CARM1: variants seen among roughly 807,000 people sequenced by gnomAD.
The protein encoded by CARM1 is histone-arginine methyltransferase CARM1.
CARM1 carries 14 observed loss-of-function variants against 72.7 expected under a neutral mutation model. The observed-to-expected ratio is 0.19, with a 90% CI of 0.13 to 0.30. The LOEUF (loss-of-function observed/expected upper bound fraction) is 0.30. Among genes scored for constraint, CARM1 ranks in the 10% least tolerant of loss-of-function variants. CARM1 has a pLI of 1.00. For missense variants in CARM1, 432 were observed against 833.7 expected, an observed-to-expected ratio of 0.52 and a Z score of 5.93; for synonymous variants, 333 against 345.5, an observed-to-expected ratio of 0.96 and a Z score of 0.40.
chr19:10,910,985 G>T (rs552738359), intron 4 of CARM1, among the ~76,000 whole-genome samples: 1 of 152,260 alleles, frequency 6.6e-6, no homozygotes, highest in African/African-American at 2.4e-5. Flanking sequence ...CTGCCTCCTG[G>T]GTTCAAGCGA....
At chr19:10,906,340 A>C (rs377378751) in intron 2 of CARM1, among the ~76,000 whole-genome samples, 1 of 152,376 alleles carries the variant, frequency 6.6e-6, no homozygotes, top group African/African-American at 2.4e-5. Context: ...TCTACATAAC[A>C]AAATGTGATC....
At chr19:10,877,928 A>G (rs1193073902) in intron 1 of CARM1, among the ~76,000 whole-genome samples, 3 of 152,100 alleles carry the variant, frequency 2.0e-5, no homozygotes, top group Non-Finnish European at 4.4e-5. Flanking sequence ...TGCAGCCTCT[A>G]ACTCCTGGGC....
intron 1 of CARM1, among the ~76,000 whole-genome samples, chr19:10,890,264 TGTTTG>T (rs148669157): frequency 1.2e-4 from 17 of 140,182 alleles, no homozygotes; most frequent in Non-Finnish European, 1.6e-4. Context: ...TTTTTTGTTT[TGTTTG>T]TTTTTTTTTT....
At chr19:10,905,169 G>T in intron 2 of CARM1, 93 bp downstream of exon 2, 1 of 1,480,578 alleles carries the variant, frequency 6.8e-7, no homozygotes, top group Non-Finnish European at 9.2e-7. Context: ...GGGGTGGCCC[G>T]TGCATCCTTA....
At position 10,916,925 on chromosome 19, in the gene CARM1, G is replaced by C. The variant is rs2074201768; in HGVS notation, c.1020+148G>C. 2 of 608,362 alleles carry C rather than the reference G, an allele frequency of 3.3e-6. No individual in the cohort carries two copies. Among genetic ancestry groups the C allele is most frequent in the African/African-American group, 3.7e-5 (2 of 53,994 alleles). The allele number at this position is 608,362 out of a possible 1,614,324, so 37.7% of individuals were successfully genotyped here. On this transcript the variant is annotated intron_variant, in intron 8 of 15. Transcript: ENST00000327064. The surrounding 1 kb of genome is among the most constrained non-coding windows in gnomAD (Gnocchi z 4.4). ...AGAGATTTGGGCCAAAAGTGTCAAT[G>C]CATGTAGACACTTAGCACACAGCAC...
At chr19:10,878,126 C>T (rs1240423223) in intron 1 of CARM1, among the ~76,000 whole-genome samples, 6 of 152,146 alleles carry the variant, frequency 3.9e-5, no homozygotes, top group East Asian at 1.9e-4. Flanking sequence ...ATTATAGTCA[C>T]GAACCGCTGG....
Position 10,871,637 on chromosome 19 carries a change from GGCAGCGGCGGCGGCCTGGGCCCGGGCGCA to G in CARM1, c.-63_-35del, listed in dbSNP as rs1414623932. 1 of 164,148 alleles carries G rather than the reference GGCAGCGGCGGCGGCCTGGGCCCGGGCGCA, an allele frequency of 6.1e-6. No individual in the cohort carries two copies. Among genetic ancestry groups the G allele is most frequent in the Admixed American group, 1.3e-4 (1 of 7,750 alleles). The allele number at this position is 164,148 out of a possible 1,614,324, so 10.2% of individuals were successfully genotyped here. A position where few individuals can be genotyped will look rare whatever the true frequency, so the allele number is the denominator to read the frequency against. On this transcript the variant is annotated 5_prime_UTR_variant, in exon 1 of 16. Transcript: ENST00000327064. This position sits in a 1 kb window ranked among gnomAD's most constrained non-coding sequence, Gnocchi z 5.6. ...CGGCGGCGGCGGCGGCGGCGGCGGC[GGCAGCGGCGGCGGCCTGGGCCCGGGCGCA>G]GCGGCGGCGGCGGCGGGGCCTGGAG...
rs921730547 is a variant in CARM1 at position 10,896,006 on chromosome 19, G to A, written c.221-8945G>A. Among the ~76,000 whole-genome samples the A allele has an allele frequency of 5.3e-5, 8 of 152,106 alleles. No homozygotes were observed. Among genetic ancestry groups the A allele is most frequent in the African/African-American group, 1.9e-4 (8 of 41,404 alleles). On this transcript the variant is annotated intron_variant, in intron 1 of 15. Transcript: ENST00000327064. The surrounding 1 kb of genome is among the most constrained non-coding windows in gnomAD (Gnocchi z 5.2). ...AAGGCCAGCGAGGTTTGGCTGGAGT[G>A]ACCCAGGGGGCAGCAGTGAGACTGC...
chr19:10,901,424 C>T lies in CARM1; in HGVS notation c.221-3527C>T, dbSNP rs541023507. Among the ~76,000 whole-genome samples, 5 of 152,236 alleles carry T rather than the reference C, an allele frequency of 3.3e-5. No individual in the cohort carries two copies. The East Asian group carries it at 9.7e-4, about 29-fold the overall frequency. The stretch of plus-strand genomic sequence containing the variant: ...CTTGAGCTCCCGGGCTCAAGCAATC[C>T]TTCCACCTCAGCCTCCCGAGTAGCT... On this transcript the variant is annotated intron_variant, in intron 1 of 15. Transcript: ENST00000327064.
At chr19:10,906,570 C>A (rs1599702671) in intron 2 of CARM1, among the ~76,000 whole-genome samples, 1 of 152,316 alleles carries the variant, frequency 6.6e-6, no homozygotes, top group South Asian at 2.1e-4. Context: ...TCAAGCGATT[C>A]TCCTGCCTCA....
In CARM1 at chr19:10,912,313, C is replaced by T. The variant is rs1208648098; in HGVS notation, c.669+19C>T. ...CGCTGAGGTCAGTGGCCCGCTGGTG[C>T]CCACCCAGCCTCGTCCTCGCCCATG... On this transcript the variant is annotated intron_variant, in intron 5 of 15. Coordinates refer to ENST00000327064, the MANE Select transcript of CARM1 (RefSeq NM_199141.2). The surrounding 1 kb of genome is among the most constrained non-coding windows in gnomAD (Gnocchi z 4.5). 2.5e-6 allele frequency: 4 copies of T among 1,569,706 alleles called. No homozygotes were observed. The highest frequency in any genetic ancestry group is 1.3e-5 in the African/African-American group (1 of 74,166).
chr19:10,909,346 G>A (rs529771762), intron 4 of CARM1, 139 bp downstream of exon 4: 8 of 584,970 alleles, frequency 1.4e-5, no homozygotes, highest in South Asian at 1.9e-5. Flanking sequence ...CAGGAGGATC[G>A]CTTCAGTCCA....
At chr19:10,899,028 AGCTTG>A (rs2074044135) in intron 1 of CARM1, among the ~76,000 whole-genome samples, 1 of 142,222 alleles carries the variant, frequency 7.0e-6, no homozygotes, top group Non-Finnish European at 1.5e-5. Context: ...AACACGGCTT[AGCTTG>A]TTTTTTTTTT....
chr19:10,881,780 G>A (rs960374541), intron 1 of CARM1, among the ~76,000 whole-genome samples: 1 of 152,118 alleles, frequency 6.6e-6, no homozygotes, highest in Non-Finnish European at 1.5e-5. Context: ...TCCATAGTGC[G>A]GTAGCTCCCA....
At position 10,896,821 on chromosome 19, in the gene CARM1, C is replaced by T. The variant is rs921146354; in HGVS notation, c.221-8130C>T. On this transcript the variant is annotated intron_variant, in intron 1 of 15. Coordinates refer to ENST00000327064, the MANE Select transcript of CARM1 (RefSeq NM_199141.2). This position sits in a 1 kb window ranked among gnomAD's most constrained non-coding sequence, Gnocchi z 5.2. ...CAGTCTGCCACTCGGCTGTCCTCAC[C>T]GCCTCTAGGATGGGGAGTGTGTCTC... Among the ~76,000 whole-genome samples, 2 of 152,222 alleles carry T rather than the reference C, an allele frequency of 1.3e-5. No individual in the cohort carries two copies. The highest frequency in any genetic ancestry group is 4.1e-4 in the South Asian group (2 of 4,834).
At position 10,909,221 on chromosome 19, in the gene CARM1, G is replaced by A. The variant is rs377345004; in HGVS notation, c.558+14G>A. The stretch of plus-strand genomic sequence containing the variant: ...TTCAAGGACAAGGTGAGTGGCCCGC[G>A]CATGTGCCCACCTCTCTGCTTCTGT... On this transcript the variant is annotated intron_variant, in intron 4 of 15. Transcript: ENST00000327064. The A allele has an allele frequency of 1.4e-5, 21 of 1,536,756 alleles. No individual in the cohort carries two copies. Among genetic ancestry groups the A allele is most frequent in the African/African-American group, 2.7e-5 (2 of 72,844 alleles).
At chr19:10,914,470 C>T (rs1246869988) in intron 6 of CARM1, among the ~76,000 whole-genome samples, 3 of 152,136 alleles carry the variant, frequency 2.0e-5, no homozygotes, top group Non-Finnish European at 2.9e-5. Context: ...TGCGAGTGTA[C>T]GTGTGTGAGG....
At chr19:10,906,892 T>G (rs1329641087) in intron 2 of CARM1, among the ~76,000 whole-genome samples, 4 of 146,378 alleles carry the variant, frequency 2.7e-5, no homozygotes, top group African/African-American at 1.0e-4. Flanking sequence ...TTTATTTTAT[T>G]TTATTTTATT....
chr19:10,922,116 TCCA>T lies in CARM1; in HGVS notation c.*360_*362del, dbSNP rs1051343844. 30 of 185,572 alleles carry T rather than the reference TCCA, an allele frequency of 1.6e-4. No individual in the cohort carries two copies. The highest frequency in any genetic ancestry group is 6.8e-4 in the African/African-American group (29 of 42,758). The allele number at this position is 185,572 out of a possible 1,614,324, so 11.5% of individuals were successfully genotyped here. A position where few individuals can be genotyped will look rare whatever the true frequency, so the allele number is the denominator to read the frequency against. On this transcript the variant is annotated 3_prime_UTR_variant, in exon 16 of 16. Coordinates refer to ENST00000327064, the MANE Select transcript of CARM1 (RefSeq NM_199141.2). The stretch of plus-strand genomic sequence containing the variant: ...CTTAGCACCTGTCCCCCTGCCTGTC[TCCA>T]GTGGGAAGGTAGCCTGGCCAGGCGG...
Sources: gnomAD v4.1 joint callset for allele counts (sites outside exome capture counted in the v4.1 genomes callset) on GRCh38, gnomAD v4.1.1 for gene constraint, Gnocchi (gnomAD v3.1) non-coding constraint, MANE v1.5 for transcripts, NCBI Gene and HGNC (gene_info 2026-07-23, HGNC 2026-07-21) for gene names.